Variants in CADPS2 observed in about 807,000 individuals in gnomAD.
CADPS2 encodes calcium-dependent secretion activator 2.
Under a neutral mutation model 172.5 loss-of-function variants are expected in CADPS2, and 93 were observed. The ratio of observed to expected loss-of-function variants is 0.54; its 90% CI spans 0.46 to 0.64. The LOEUF (loss-of-function observed/expected upper bound fraction) is 0.64. CADPS2 is among the 30% of genes least tolerant of loss of function. The pLI is 0.00. For synonymous variants in CADPS2, 546 were observed against 555.2 expected, an observed-to-expected ratio of 0.98 and a Z score of 0.23; for missense variants, 1,420 against 1,565.9, an observed-to-expected ratio of 0.91 and a Z score of 1.57.
intron 1 of CADPS2, among the ~76,000 whole-genome samples, chr7:122,803,467 T>C (rs1798076286): frequency 1.3e-5 from 2 of 152,288 alleles, no homozygotes; most frequent in South Asian, 4.1e-4. Context: ...AACGCTACAT[T>C]GCTGCCTCTG....
chr7:122,746,640 CAG>C (rs1263281707), intron 1 of CADPS2, among the ~76,000 whole-genome samples: 17 of 149,532 alleles, frequency 1.1e-4, no homozygotes, highest in African/African-American at 2.7e-4. Flanking sequence ...CACACACACA[CAG>C]ACACACACAC....
Position 122,407,685 on chromosome 7 carries a change from C to A in CADPS2, c.2601G>T (p.Trp867Cys). 6.2e-7 allele frequency: 1 copy of A among 1,608,876 alleles called. No individual in the cohort carries two copies. The highest frequency in any genetic ancestry group is 8.5e-7 in the Non-Finnish European group (1 of 1,177,578). Residue 867 changes from tryptophan to cysteine, a missense_variant, in exon 20 of 30, where the codon TGG becomes TGT. Physicochemically the swap from Trp to Cys is radical, Grantham distance 215. Coordinates refer to ENST00000449022, the MANE Select transcript of CADPS2 (RefSeq NM_017954.11). The stretch of plus-strand genomic sequence containing the variant: ...CATGTTCAGCCAATAAATCAGGCCA[C>A]CAGGCAAATGCCTACAAAAGGATAA... The part of the protein sequence containing the change: ...HHAEGREAFA[W>C]WPDLLAEHAE...
At chr7:122,510,799 C>T (rs936547542) in intron 9 of CADPS2, among the ~76,000 whole-genome samples, 7 of 152,258 alleles carry the variant, frequency 4.6e-5, no homozygotes, top group Non-Finnish European at 7.4e-5. Context: ...TACCCAGTTC[C>T]TCCCAATGGG....
At chr7:122,730,851 G>A (rs2091569158) in intron 2 of CADPS2, among the ~76,000 whole-genome samples, 1 of 151,388 alleles carries the variant, frequency 6.6e-6, no homozygotes, top group Non-Finnish European at 1.5e-5. Context: ...CTATTAAAAA[G>A]TGTTCTTAAA....
At chr7:122,882,617 C>T (rs916073818) in intron 1 of CADPS2, among the ~76,000 whole-genome samples, 13 of 136,858 alleles carry the variant, frequency 9.5e-5, no homozygotes, top group African/African-American at 1.9e-4. Flanking sequence ...CCAAGGAACC[C>T]TTTTTTTTTT....
intron 19 of CADPS2, among the ~76,000 whole-genome samples, chr7:122,411,416 C>T (rs368833999): frequency 2.0e-5 from 3 of 151,748 alleles, no homozygotes; most frequent in Admixed American, 1.3e-4. Context: ...GATGGGGTTT[C>T]GCCATGTTCG....
intron 1 of CADPS2, among the ~76,000 whole-genome samples, chr7:122,834,448 G>A (rs542391360): frequency 1.2e-4 from 19 of 152,198 alleles, no homozygotes; most frequent in Non-Finnish European, 2.2e-4. Context: ...GCAGGACAGC[G>A]GGTGCAGCCC....
At chr7:122,577,080 GCTT>G (rs2068152019) in intron 7 of CADPS2, among the ~76,000 whole-genome samples, 1 of 151,840 alleles carries the variant, frequency 6.6e-6, no homozygotes, top group South Asian at 2.1e-4. Context: ...GGTTTTATAA[GCTT>G]CTGGCATTTC....
intron 27 of CADPS2, among the ~76,000 whole-genome samples, chr7:122,357,981 T>C (rs1422161812): frequency 6.6e-6 from 1 of 152,134 alleles, no homozygotes; most frequent in East Asian, 1.9e-4. Flanking sequence ...TCAAATCAGT[T>C]GGATAAGTGC....
At chr7:122,358,017 T>C (rs765011733) in intron 27 of CADPS2, among the ~76,000 whole-genome samples, 6 of 152,128 alleles carry the variant, frequency 3.9e-5, no homozygotes, top group Non-Finnish European at 8.8e-5. Context: ...GTGGGTTACA[T>C]AGTAAGGCTA....
chr7:122,482,908 G>C (rs892196471), intron 11 of CADPS2, among the ~76,000 whole-genome samples: 7 of 152,162 alleles, frequency 4.6e-5, no homozygotes, highest in African/African-American at 1.4e-4. Flanking sequence ...TGTGTAGAAA[G>C]GGAAAGAAGC....
At chr7:122,779,564 G>C (rs1792131492) in intron 1 of CADPS2, among the ~76,000 whole-genome samples, 1 of 152,202 alleles carries the variant, frequency 6.6e-6, no homozygotes, top group African/African-American at 2.4e-5. Context: ...ACAAGAAAGA[G>C]AGTGAGCATT....
intron 25 of CADPS2, among the ~76,000 whole-genome samples, chr7:122,367,245 T>C (rs530503945): frequency 2.6e-5 from 4 of 152,248 alleles, no homozygotes; most frequent in Admixed American, 2.6e-4. Flanking sequence ...TCTATCCTAT[T>C]CTTAAGAGAA....
chr7:122,416,099 T>C lies in CADPS2; in HGVS notation c.2542A>G (p.Ile848Val). 2 of 1,553,538 alleles carry C rather than the reference T, an allele frequency of 1.3e-6. No homozygotes were observed. The highest frequency in any genetic ancestry group is 2.4e-5 in the East Asian group (1 of 42,374). The change falls in exon 18 of 30, where the codon ATA becomes GTA. Residue 848 changes from isoleucine (I) to valine (V), a missense_variant. Transcript: ENST00000449022. ...EEILHLAELC[I>V]EVLQQNEEHH... ...TCTTCATTCTGCTGTAAGACTTCTA[T>C]GCAGAGCTCTGCCAGATGAAGAATC...
chr7:122,516,070 G>T lies in CADPS2; in HGVS notation c.1476-2755C>A, dbSNP rs1429350282. On this transcript the variant is annotated intron_variant, in intron 8 of 29. Transcript: ENST00000449022. ...GGGGACAGATGGATACATACATGTTGTATTAGGGGTTAGTAGAAGATGTTA... is the reference window on the plus strand; with the variant it reads ...GGGGACAGATGGATACATACATGTTTTATTAGGGGTTAGTAGAAGATGTTA... Among the ~76,000 whole-genome samples, 5 of 152,228 alleles carry T rather than the reference G, an allele frequency of 3.3e-5. No homozygotes were observed. In the East Asian group the frequency reaches 9.7e-4, roughly 29 times the overall value.
chr7:122,812,555 G>A (rs1485590079), intron 1 of CADPS2, among the ~76,000 whole-genome samples: 2 of 151,946 alleles, frequency 1.3e-5, no homozygotes, highest in Non-Finnish European at 2.9e-5. Flanking sequence ...CCTAGGTAAT[G>A]GCTTGAATTT....
chr7:122,528,529 A>G (rs1467437961), intron 8 of CADPS2, among the ~76,000 whole-genome samples: 1 of 152,136 alleles, frequency 6.6e-6, no homozygotes, highest in Non-Finnish European at 1.5e-5. Context: ...TTAGGGGAGA[A>G]TGAATAACTA....
chr7:122,770,856 G>A (rs1427464075), intron 1 of CADPS2, among the ~76,000 whole-genome samples: 1 of 152,150 alleles, frequency 6.6e-6, no homozygotes, highest in South Asian at 2.1e-4. Context: ...AGACAACTAG[G>A]ACAAAAGGGC....
At chr7:122,672,794 G>A (rs751974843) in intron 2 of CADPS2, among the ~76,000 whole-genome samples, 1 of 152,198 alleles carries the variant, frequency 6.6e-6, no homozygotes, top group Non-Finnish European at 1.5e-5. Flanking sequence ...TCAGTGTGGC[G>A]TTTAGTAACC....
Sources: gnomAD v4.1 joint callset for allele counts (sites outside exome capture counted in the v4.1 genomes callset) on GRCh38, gnomAD v4.1.1 for gene constraint, MANE v1.5 for transcripts, NCBI Gene and HGNC (gene_info 2026-07-23, HGNC 2026-07-21) for gene names.